The following GABRB2 variants were observed in gnomAD, a reference collection of about 807,000 sequenced individuals.
The protein encoded by GABRB2 is gamma-aminobutyric acid type A receptor subunit beta2.
GABRB2 carries 16 observed loss-of-function variants against 54.7 expected under a neutral mutation model. That is an observed-to-expected ratio of 0.29 (90% CI 0.20 to 0.44). GABRB2 has a LOEUF of 0.44. Among genes scored for constraint, GABRB2 ranks in the 20% least tolerant of loss-of-function variants. The probability of loss-of-function intolerance (pLI) is 1.00; values close to 1 mark genes in which losing one functional copy is unlikely to be tolerated. For synonymous variants in GABRB2, 244 were observed against 233.8 expected (o/e 1.04, Z -0.40); for missense variants, 355 against 644.0 (o/e 0.55, Z 4.86).
chr5:161,369,908 G>C (rs1465358572), intron 5 of GABRB2, among the ~76,000 whole-genome samples: 1 of 152,056 alleles, frequency 6.6e-6, no homozygotes, highest in East Asian at 1.9e-4. Context: ...TTCCCTGACT[G>C]ATCTCTTCAG....
intron 5 of GABRB2, among the ~76,000 whole-genome samples, chr5:161,359,926 C>A (rs1462306705): frequency 6.6e-6 from 1 of 151,982 alleles, no homozygotes. Context: ...ACTAAAAATA[C>A]AGAAATTAGC....
At chr5:161,433,303 C>T (rs148360641) in intron 4 of GABRB2, among the ~76,000 whole-genome samples, 6 of 151,860 alleles carry the variant, frequency 4.0e-5, no homozygotes, top group East Asian at 3.9e-4. Flanking sequence ...TCTGGCCATA[C>T]GAAAGGAGAA....
intron 4 of GABRB2, among the ~76,000 whole-genome samples, chr5:161,419,741 A>T (rs1484850773): frequency 6.6e-6 from 1 of 152,208 alleles, no homozygotes; most frequent in African/African-American, 2.4e-5. Flanking sequence ...CCTCACTTGT[A>T]AGTGGGAGCT....
intron 4 of GABRB2, among the ~76,000 whole-genome samples, chr5:161,443,455 T>C (rs999637644): frequency 3.3e-5 from 5 of 152,070 alleles, no homozygotes; most frequent in Non-Finnish European, 7.4e-5. Flanking sequence ...GCCTCTTCCT[T>C]GTCTAAGATG....
intron 3 of GABRB2, among the ~76,000 whole-genome samples, chr5:161,474,789 A>G (rs929619622): frequency 3.3e-5 from 5 of 151,968 alleles, no homozygotes; most frequent in African/African-American, 1.2e-4. Flanking sequence ...ACTACATTCA[A>G]AATAAATTGG....
intron 3 of GABRB2, among the ~76,000 whole-genome samples, chr5:161,465,244 C>T (rs1372656377): frequency 2.6e-5 from 4 of 151,460 alleles, no homozygotes; most frequent in Non-Finnish European, 2.9e-5. Flanking sequence ...AGATATCTGA[C>T]ATCTGGAGGG....
At chr5:161,427,769 G>A (rs1757045802) in intron 4 of GABRB2, among the ~76,000 whole-genome samples, 1 of 152,152 alleles carries the variant, frequency 6.6e-6, no homozygotes, top group Non-Finnish European at 1.5e-5. Context: ...ATATATTTCT[G>A]TCAGGTAATT....
In GABRB2 at chr5:161,291,896, C is replaced by A. The variant is rs1168324957; in HGVS notation, c.*2185G>T. On this transcript the variant is annotated 3_prime_UTR_variant, in exon 10 of 10. Transcript: ENST00000393959. ...ATGTTTTTTAGTCAAACTTTACCCCCTGTTGACAAGGGGCAGGCACTTTAC... is the reference window on the plus strand; with the variant it reads ...ATGTTTTTTAGTCAAACTTTACCCCATGTTGACAAGGGGCAGGCACTTTAC... 6.6e-6 allele frequency: 1 copy of A among 152,254 alleles called. No individual in the cohort carries two copies. The highest frequency in any genetic ancestry group is 6.6e-5 in the Admixed American group (1 of 15,250). 9.4% of individuals were successfully genotyped at this position (152,254 alleles called of 1,614,324 possible). A position where few individuals can be genotyped will look rare whatever the true frequency, so the allele number is the denominator to read the frequency against.
At chr5:161,508,719 T>C (rs1041229312) in intron 3 of GABRB2, among the ~76,000 whole-genome samples, 9 of 151,978 alleles carry the variant, frequency 5.9e-5, no homozygotes, top group African/African-American at 1.9e-4. Flanking sequence ...AAGGCTGCAG[T>C]TGTCTCGATA....
intron 9 of GABRB2, among the ~76,000 whole-genome samples, chr5:161,307,976 A>G (rs1238413481): frequency 6.6e-6 from 1 of 150,804 alleles, no homozygotes; most frequent in East Asian, 2.0e-4. Flanking sequence ...CTCCTGCCTC[A>G]GCCTCCTGAG....
intron 9 of GABRB2, among the ~76,000 whole-genome samples, chr5:161,298,356 C>G (rs1757442296): frequency 6.6e-6 from 1 of 152,086 alleles, no homozygotes; most frequent in African/African-American, 2.4e-5. Context: ...TTTGCCCGTG[C>G]CTATATTATT....
intron 3 of GABRB2, among the ~76,000 whole-genome samples, chr5:161,462,017 G>A (rs2962421): frequency 0.43 from 64,816 of 151,912 alleles, 15,249 homozygotes; most frequent in African/African-American, 0.64. Context: ...CAGTTTTCAT[G>A]GGAACAACGT....
chr5:161,299,887 A>C (rs1472170193), intron 9 of GABRB2, among the ~76,000 whole-genome samples: 1 of 152,156 alleles, frequency 6.6e-6, no homozygotes. Context: ...AATTTGCAAA[A>C]CTCAAATTTT....
chr5:161,376,187 C>A (rs1231199449), intron 5 of GABRB2, among the ~76,000 whole-genome samples: 1 of 152,100 alleles, frequency 6.6e-6, no homozygotes, highest in Non-Finnish European at 1.5e-5. Context: ...ACAGCCTCAT[C>A]CATCTTTTAA....
chr5:161,403,175 A>T (rs1756253124), intron 5 of GABRB2, among the ~76,000 whole-genome samples: 1 of 152,142 alleles, frequency 6.6e-6, no homozygotes, highest in South Asian at 2.1e-4. Flanking sequence ...CCTAATTTAG[A>T]TATTGGACTG....
intron 5 of GABRB2, among the ~76,000 whole-genome samples, chr5:161,346,555 C>A (rs1379974563): frequency 1.3e-5 from 2 of 152,130 alleles, no homozygotes; most frequent in Non-Finnish European, 2.9e-5. Flanking sequence ...TAGTCTGGGT[C>A]TCTCCATCTT....
chr5:161,445,906 T>C (rs1175519469), intron 4 of GABRB2, among the ~76,000 whole-genome samples: 1 of 152,146 alleles, frequency 6.6e-6, no homozygotes, highest in East Asian at 1.9e-4. Context: ...AGATGTACCA[T>C]AGGCCACTGA....
intron 4 of GABRB2, among the ~76,000 whole-genome samples, chr5:161,419,323 G>A (rs190333640): frequency 6.6e-6 from 1 of 152,258 alleles, no homozygotes; most frequent in Non-Finnish European, 1.5e-5. Context: ...TGTTGGCAAG[G>A]ACATGGTGAA....
intron 9 of GABRB2, among the ~76,000 whole-genome samples, chr5:161,304,823 T>C (rs958601773): frequency 1.3e-5 from 2 of 152,032 alleles, no homozygotes; most frequent in Non-Finnish European, 2.9e-5. Flanking sequence ...AATTGAATAA[T>C]TTCTTTTAGA....
Sources: gnomAD v4.1 joint callset for allele counts (sites outside exome capture counted in the v4.1 genomes callset) on GRCh38, gnomAD v4.1.1 for gene constraint, MANE v1.5 for transcripts, NCBI Gene and HGNC (gene_info 2026-07-23, HGNC 2026-07-21) for gene names.